Variants in USP15 observed in about 807,000 individuals in gnomAD.
USP15 encodes ubiquitin carboxyl-terminal hydrolase 15.
USP15 carries 18 observed loss-of-function variants against 127.1 expected under a neutral mutation model. The observed-to-expected ratio is 0.14, with a 90% confidence interval of 0.10 to 0.21. The LOEUF is 0.21. USP15 is among the 10% of genes least tolerant of loss of function. The probability of loss-of-function intolerance (pLI) is 1.00; values close to 1 mark genes in which losing one functional copy is unlikely to be tolerated. For missense variants in USP15, 805 were observed against 1,159.9 expected (o/e 0.69, Z 4.44); for synonymous variants, 364 against 393.7 (o/e 0.92, Z 0.89).
rs1255380553 is a variant in USP15, at chr12:62,331,622, T to C, written c.683+5689T>C. ...GCTGAAAATAGAGGAACCTACTTAG[T>C]GCTCTGATGTCCTATTGTATTGGCC... On this transcript the variant is annotated intron_variant, in intron 6 of 21. Transcript: ENST00000280377. Among the ~76,000 whole-genome samples, 5 of 152,210 alleles carry C rather than the reference T, an allele frequency of 3.3e-5. No homozygotes were observed. The East Asian group carries it at 5.8e-4, about 18-fold the overall frequency.
Position 62,299,023 on chromosome 12 carries a change from G to A in USP15, c.218-3767G>A, listed in dbSNP as rs186913623. ...AATCACACCCTATCCCTTCTTTGCT[G>A]CCACCCCCCACTCTAGACAACTACT... On this transcript the variant is annotated intron_variant, in intron 2 of 21. Coordinates refer to ENST00000280377, the MANE Select transcript of USP15 (RefSeq NM_001252078.2). Among the ~76,000 whole-genome samples the A allele has an allele frequency of 1.6e-4, 24 of 152,040 alleles. 1 individual carries two copies. The East Asian group carries it at 4.4e-3, about 28-fold the overall frequency.
chr12:62,398,766 A>G (rs2067580937), intron 20 of USP15, among the ~76,000 whole-genome samples: 1 of 152,210 alleles, frequency 6.6e-6, no homozygotes, highest in African/African-American at 2.4e-5. Flanking sequence ...AGTTCTTTAT[A>G]TCTCTGATAA....
chr12:62,304,484 A>G (rs921218180), intron 3 of USP15, among the ~76,000 whole-genome samples: 8 of 152,186 alleles, frequency 5.3e-5, no homozygotes, highest in African/African-American at 1.9e-4. Flanking sequence ...TGTGGCCCAC[A>G]TGACTGATGC....
At chr12:62,280,017 T>G (rs2137086829) in intron 1 of USP15, among the ~76,000 whole-genome samples, 1 of 152,294 alleles carries the variant, frequency 6.6e-6, no homozygotes, top group Admixed American at 6.5e-5. Context: ...TTAATTTCTG[T>G]GTGTATATAT....
intron 20 of USP15, among the ~76,000 whole-genome samples, chr12:62,398,353 G>T (rs2067566737): frequency 6.6e-6 from 1 of 151,990 alleles, no homozygotes; most frequent in African/African-American, 2.4e-5. Flanking sequence ...GGTTCCTCTT[G>T]TTACTTTGGG....
In USP15 at chr12:62,409,964, T is replaced by G. The variant is rs1228988341; in HGVS notation, c.*5589T>G. ...TATTCGATGTTAACAGACGTAACTC[T>G]TTAATGCTCCTCTGTTCATGATTAA... On this transcript the variant is annotated 3_prime_UTR_variant, in exon 22 of 22. Coordinates refer to ENST00000280377, the MANE Select transcript of USP15 (RefSeq NM_001252078.2). 2 of 152,176 alleles carry G rather than the reference T, an allele frequency of 1.3e-5. No homozygotes were observed. Among genetic ancestry groups the G allele is most frequent in the Admixed American group, 6.5e-5 (1 of 15,268 alleles). 9.4% of individuals were successfully genotyped at this position (152,176 alleles called of 1,614,324 possible). A position where few individuals can be genotyped will look rare whatever the true frequency, so the allele number is the denominator to read the frequency against.
chr12:62,396,682 C>T (rs2067501122), intron 20 of USP15, among the ~76,000 whole-genome samples: 1 of 152,050 alleles, frequency 6.6e-6, no homozygotes, highest in Non-Finnish European at 1.5e-5. Flanking sequence ...TGCTTTCTAA[C>T]ATGTTTGATG....
At chr12:62,315,936 A>G (rs955646084) in intron 4 of USP15, among the ~76,000 whole-genome samples, 7 of 152,098 alleles carry the variant, frequency 4.6e-5, no homozygotes, top group African/African-American at 1.7e-4. Flanking sequence ...ATGAATCTTT[A>G]TTCTCCCCTC....
chr12:62,263,940 A>G (rs1370035009), intron 1 of USP15, among the ~76,000 whole-genome samples: 1 of 152,218 alleles, frequency 6.6e-6, no homozygotes, highest in African/African-American at 2.4e-5. Context: ...TATTTAAGGA[A>G]TGGTAGTTAA....
At chr12:62,295,166 C>A (rs1287790184) in intron 2 of USP15, among the ~76,000 whole-genome samples, 1 of 152,050 alleles carries the variant, frequency 6.6e-6, no homozygotes, top group Admixed American at 6.6e-5. Context: ...CTTAAGTCTT[C>A]AACTATTAAA....
At position 62,407,516 on chromosome 12, in the gene USP15, A is replaced by G. The variant is rs997518863; in HGVS notation, c.*3141A>G. 1.3e-5 allele frequency: 2 copies of G among 152,244 alleles called. No individual in the cohort carries two copies. Among genetic ancestry groups the G allele is most frequent in the Non-Finnish European group, 1.5e-5 (1 of 68,034 alleles). The allele number at this position is 152,244 out of a possible 1,614,324, so 9.4% of individuals were successfully genotyped here. A position where few individuals can be genotyped will look rare whatever the true frequency, so the allele number is the denominator to read the frequency against. On this transcript the variant is annotated 3_prime_UTR_variant, in exon 22 of 22. Coordinates refer to ENST00000280377, the MANE Select transcript of USP15 (RefSeq NM_001252078.2). ...AGTATATTTAGCTCAGTATTCGAGC[A>G]TTGAATAAGAAAGTACCCACTGGAA... is the stretch of plus-strand genomic sequence containing the variant.
intron 1 of USP15, among the ~76,000 whole-genome samples, chr12:62,288,422 G>A (rs1014340713): frequency 6.9e-6 from 1 of 144,966 alleles, no homozygotes; most frequent in African/African-American, 2.6e-5. Context: ...TGTTACTAGT[G>A]TATAAAATTG....
chr12:62,343,708 C>A (rs755033938), intron 6 of USP15, among the ~76,000 whole-genome samples: 2 of 152,146 alleles, frequency 1.3e-5, no homozygotes, highest in African/African-American at 4.8e-5. Flanking sequence ...TGCTTCTGCT[C>A]ACTCTCTGTG....
chr12:62,410,289 G>A lies in USP15; in HGVS notation c.*5914G>A, dbSNP rs1323950158. On this transcript the variant is annotated 3_prime_UTR_variant, in exon 22 of 22. Coordinates refer to ENST00000280377, the MANE Select transcript of USP15 (RefSeq NM_001252078.2). ...TAGAAGCACCAAGGATTATCTATTTGTAATCACATTGTGGTGAATTATCAG... is the reference window on the plus strand; with the variant it reads ...TAGAAGCACCAAGGATTATCTATTTATAATCACATTGTGGTGAATTATCAG... The A allele has an allele frequency of 6.6e-6, 1 of 151,982 alleles. No homozygotes were observed. Among genetic ancestry groups the A allele is most frequent in the African/African-American group, 2.4e-5 (1 of 41,374 alleles). The allele number at this position is 151,982 out of a possible 1,614,324, so 9.4% of individuals were successfully genotyped here.
intron 1 of USP15, among the ~76,000 whole-genome samples, chr12:62,288,719 G>A (rs2063857861): frequency 6.6e-6 from 1 of 152,060 alleles, no homozygotes; most frequent in African/African-American, 2.4e-5. Context: ...TATGATATTG[G>A]TTGTAGTTTC....
At chr12:62,313,925 C>A in intron 3 of USP15, 1 of 370,890 alleles carries the variant, frequency 2.7e-6, no homozygotes, top group Non-Finnish European at 3.7e-6. Context: ...TCCCAACGGT[C>A]ATTTGGAGCC....
intron 1 of USP15, among the ~76,000 whole-genome samples, chr12:62,265,805 G>T (rs917413655): frequency 1.3e-5 from 2 of 152,190 alleles, no homozygotes; most frequent in South Asian, 4.2e-4. Flanking sequence ...CTTCAGCCTC[G>T]CAAGTATTAA....
chr12:62,314,940 T>A (rs1395514255), intron 4 of USP15, 24 bp downstream of exon 4: 7 of 1,540,700 alleles, frequency 4.5e-6, no homozygotes, highest in Middle Eastern at 1.7e-4. Context: ...CTGTCTTGTT[T>A]TTAATCCATT....
In USP15 at chr12:62,389,413, A is replaced by G. The variant is rs372916201; in HGVS notation, c.1474-18A>G. The G allele has an allele frequency of 7.1e-5, 113 of 1,592,966 alleles. No individual in the cohort carries two copies. Among genetic ancestry groups the G allele is most frequent in the Non-Finnish European group, 9.6e-5 (112 of 1,171,446 alleles). ...TTTCCAAAATAATAAATTCATTACA[A>G]TTTTTTTTGTTTTTTAGTACAAAGT... is the stretch of plus-strand genomic sequence containing the variant. On this transcript the variant is annotated intron_variant, in intron 11 of 21. Coordinates refer to ENST00000280377, the MANE Select transcript of USP15 (RefSeq NM_001252078.2).
Sources: allele counts gnomAD v4.1 joint callset (sites outside exome capture counted in the v4.1 genomes callset), GRCh38; gene constraint gnomAD v4.1.1; transcripts MANE v1.5; gene names NCBI Gene and HGNC (gene_info 2026-07-23, HGNC 2026-07-21).